Variants in MAP3K20 observed in about 807,000 individuals in gnomAD.
MAP3K20 encodes mitogen-activated protein kinase kinase kinase 20.
A neutral mutation model predicts 85.7 loss-of-function variants in MAP3K20; 40 were observed. The ratio of observed to expected loss-of-function variants is 0.47; its 90% CI spans 0.36 to 0.61. MAP3K20 has a LOEUF of 0.61. MAP3K20 is among the 20% of genes least tolerant of loss of function. MAP3K20 has a pLI of 0.00. For missense variants in MAP3K20, 817 were observed against 961.7 expected, an observed-to-expected ratio of 0.85 and a Z score of 1.99; for synonymous variants, 325 against 327.7, an observed-to-expected ratio of 0.99 and a Z score of 0.09.
chr2:173,227,449 T>C (rs1684419309), intron 11 of MAP3K20, among the ~76,000 whole-genome samples: 1 of 152,160 alleles, frequency 6.6e-6, no homozygotes, highest in Non-Finnish European at 1.5e-5. Context: ...CATTAACTCT[T>C]ATCCCCCGTC....
chr2:173,214,931 G>T (rs1351102445), intron 10 of MAP3K20, among the ~76,000 whole-genome samples: 1 of 152,170 alleles, frequency 6.6e-6, no homozygotes, highest in African/African-American at 2.4e-5. Flanking sequence ...CCTCACACAC[G>T]ATTTGACTCT....
intron 16 of MAP3K20, among the ~76,000 whole-genome samples, chr2:173,240,796 T>C (rs1684761755): frequency 1.3e-5 from 2 of 152,160 alleles, no homozygotes; most frequent in Non-Finnish European, 2.9e-5. Context: ...AATCAATATA[T>C]TGAAGAGATA....
intron 3 of MAP3K20, among the ~76,000 whole-genome samples, chr2:173,182,251 G>T (rs1404576284): frequency 2.0e-5 from 3 of 152,212 alleles, no homozygotes; most frequent in African/African-American, 7.2e-5. Flanking sequence ...TGGCACAAGA[G>T]AACTATTTGT....
rs769134273 is a variant in MAP3K20, at chr2:173,239,481, A to G, written c.1344A>G (p.Pro448=). 6.2e-7 allele frequency: 1 copy of G among 1,612,648 alleles called. No homozygotes were observed. Among genetic ancestry groups the G allele is most frequent in the South Asian group, 1.1e-5 (1 of 90,472 alleles). ...LELVFGFHLK[P]GTGPQDCKWK... ...TGGTTTTTGGTTTTCACTTGAAACCAGGAACTGGCCCACAGGTAAATCACA... is the reference window on the plus strand; with the variant it reads ...TGGTTTTTGGTTTTCACTTGAAACCGGGAACTGGCCCACAGGTAAATCACA... Residue 448 remains proline, a synonymous_variant, in exon 16 of 20, where the codon CCA becomes CCG. Coordinates refer to ENST00000375213, the MANE Select transcript of MAP3K20 (RefSeq NM_016653.3).
chr2:173,083,023 C>T (rs879448085), intron 1 of MAP3K20, among the ~76,000 whole-genome samples: 1 of 152,234 alleles, frequency 6.6e-6, no homozygotes, highest in Non-Finnish European at 1.5e-5. Flanking sequence ...GAATGCCTCA[C>T]TACTAAATTA....
intron 2 of MAP3K20, among the ~76,000 whole-genome samples, chr2:173,156,850 G>A (rs1416703697): frequency 2.0e-5 from 3 of 152,242 alleles, no homozygotes; most frequent in African/African-American, 7.2e-5. Flanking sequence ...TGTATGTACA[G>A]ATGGGAAACC....
Position 173,119,323 on chromosome 2 carries a change from C to G in MAP3K20, c.159+28133C>G, listed in dbSNP as rs767907320. Among the ~76,000 whole-genome samples, 2 of 152,176 alleles carry G rather than the reference C, an allele frequency of 1.3e-5. No individual in the cohort carries two copies. Among genetic ancestry groups the G allele is most frequent in the Non-Finnish European group, 2.9e-5 (2 of 68,028 alleles). ...GGCAGAGCTGGTGTGCAGGAAGCCA[C>G]CTGCTGGGGTGCTGGGAGGCTAAAG... On this transcript the variant is annotated intron_variant, in intron 2 of 19. Transcript: ENST00000375213.
intron 3 of MAP3K20, among the ~76,000 whole-genome samples, chr2:173,181,585 A>C (rs997399408): frequency 2.0e-5 from 3 of 152,214 alleles, no homozygotes; most frequent in Non-Finnish European, 4.4e-5. Context: ...CATGTACACA[A>C]ATGTTCATAG....
chr2:173,195,171 A>C (rs1257343682), intron 7 of MAP3K20, among the ~76,000 whole-genome samples: 4 of 149,360 alleles, frequency 2.7e-5, no homozygotes, highest in Non-Finnish European at 5.9e-5. Context: ...CTGAGAACAC[A>C]AGGCCTAGCC....
At chr2:173,125,125 C>G (rs981670459) in intron 2 of MAP3K20, among the ~76,000 whole-genome samples, 1 of 152,158 alleles carries the variant, frequency 6.6e-6, no homozygotes, top group African/African-American at 2.4e-5. Flanking sequence ...ACAACTTGCA[C>G]ATTTTATAGA....
chr2:173,250,758 C>T (rs758376591), intron 16 of MAP3K20, among the ~76,000 whole-genome samples: 18 of 151,988 alleles, frequency 1.2e-4, no homozygotes, highest in East Asian at 3.9e-4. Context: ...AACCTATACG[C>T]GCTGAAAGAG....
intron 14 of MAP3K20, 31 bp from the exon 15 acceptor site, chr2:173,238,342 C>T: frequency 6.4e-7 from 1 of 1,572,760 alleles, no homozygotes; most frequent in Non-Finnish European, 8.7e-7. Context: ...ATTACTGGAT[C>T]ATTAATAAAG....
chr2:173,085,988 G>T (rs1291466678), intron 1 of MAP3K20, among the ~76,000 whole-genome samples: 2 of 151,644 alleles, frequency 1.3e-5, no homozygotes, highest in Non-Finnish European at 2.9e-5. Context: ...TAGAGATGGG[G>T]TTTTGCCATG....
At chr2:173,104,819 C>A (rs1317836163) in intron 2 of MAP3K20, among the ~76,000 whole-genome samples, 1 of 152,030 alleles carries the variant, frequency 6.6e-6, no homozygotes, top group Non-Finnish European at 1.5e-5. Context: ...CAGGGTAGGC[C>A]TCACTAAGAA....
At chr2:173,215,490 A>C (rs1168061429) in intron 10 of MAP3K20, 1 of 152,232 alleles carries the variant, frequency 6.6e-6, no homozygotes, top group Non-Finnish European at 1.5e-5. Context: ...TACAGTCATA[A>C]TTCTGAAAAA....
chr2:173,113,345 C>G (rs191857300), intron 2 of MAP3K20, among the ~76,000 whole-genome samples: 90 of 151,964 alleles, frequency 5.9e-4, no homozygotes, highest in Admixed American at 1.8e-3. Context: ...AAAGGACCAG[C>G]TTTTTGGTTC....
intron 1 of MAP3K20, among the ~76,000 whole-genome samples, chr2:173,077,409 G>T (rs1052386428): frequency 2.0e-5 from 3 of 149,602 alleles, no homozygotes; most frequent in Admixed American, 6.7e-5. Context: ...AGTGATGGCT[G>T]CATTTTAATT....
chr2:173,089,296 T>C (rs1424801732), intron 1 of MAP3K20, among the ~76,000 whole-genome samples: 1 of 152,196 alleles, frequency 6.6e-6, no homozygotes, highest in Non-Finnish European at 1.5e-5. Context: ...TCTCCCTCTC[T>C]CTATTCCTAT....
chr2:173,123,367 A>G (rs1421878565), intron 2 of MAP3K20, among the ~76,000 whole-genome samples: 1 of 152,128 alleles, frequency 6.6e-6, no homozygotes, highest in Non-Finnish European at 1.5e-5. Context: ...CTGCCACTAT[A>G]TATTAACAAG....
Sources: allele counts gnomAD v4.1 joint callset (sites outside exome capture counted in the v4.1 genomes callset), GRCh38; gene constraint gnomAD v4.1.1; transcripts MANE v1.5; gene names NCBI Gene and HGNC (gene_info 2026-07-23, HGNC 2026-07-21).